ROBO1: variants seen among roughly 807,000 people sequenced by gnomAD.
The protein encoded by ROBO1 is roundabout guidance receptor 1.
ROBO1 carries 149 observed loss-of-function variants against 195.9 expected under a neutral mutation model. That is an observed-to-expected ratio of 0.76 (90% CI 0.67 to 0.87). ROBO1 has a LOEUF of 0.87. Ranked by LOEUF, ROBO1 falls within the 40% of genes least tolerant of loss-of-function variation. The pLI is 0.00. For missense variants in ROBO1, 1,933 were observed against 2,068.3 expected (o/e 0.93, Z 1.27); for synonymous variants, 816 against 733.2 (o/e 1.11, Z -1.82).
At chr3:79,449,423 T>C (rs1167759718) in intron 2 of ROBO1, among the ~76,000 whole-genome samples, 1 of 151,972 alleles carries the variant, frequency 6.6e-6, no homozygotes, top group African/African-American at 2.4e-5. Flanking sequence ...AAAAATTAAA[T>C]TTACTAAATG....
At chr3:79,572,961 T>C (rs549836795) in intron 2 of ROBO1, among the ~76,000 whole-genome samples, 1 of 152,242 alleles carries the variant, frequency 6.6e-6, no homozygotes, top group East Asian at 1.9e-4. Flanking sequence ...TGGATTAGCA[T>C]AGTGTGGGAA....
At chr3:79,554,584 T>A (rs1304581682) in intron 2 of ROBO1, among the ~76,000 whole-genome samples, 3 of 151,998 alleles carry the variant, frequency 2.0e-5, no homozygotes, top group Non-Finnish European at 2.9e-5. Context: ...ATCATATGTA[T>A]CCAAAACTTG....
intron 2 of ROBO1, among the ~76,000 whole-genome samples, chr3:79,384,477 T>G (rs1393055055): frequency 1.3e-5 from 2 of 151,940 alleles, no homozygotes; most frequent in African/African-American, 4.8e-5. Flanking sequence ...AGAATAACTA[T>G]ATAAGAATTG....
chr3:79,437,252 A>T (rs990528699), intron 2 of ROBO1, among the ~76,000 whole-genome samples: 1 of 152,016 alleles, frequency 6.6e-6, no homozygotes, highest in South Asian at 2.1e-4. Flanking sequence ...CTGGTAAATC[A>T]GGGGTCAATG....
At chr3:79,018,991 G>C in intron 3 of ROBO1, 1 of 990,358 alleles carries the variant, frequency 1.0e-6, no homozygotes, top group Middle Eastern at 5.2e-4. Context: ...CAGCAGCTCC[G>C]GAGGAAGGGC....
At chr3:79,498,191 A>G (rs1268043461) in intron 2 of ROBO1, among the ~76,000 whole-genome samples, 1 of 152,176 alleles carries the variant, frequency 6.6e-6, no homozygotes, top group Non-Finnish European at 1.5e-5. Flanking sequence ...TCATCTTTTG[A>G]TTTGCTTTTC....
chr3:79,225,095 ATG>A (rs1461997285), intron 2 of ROBO1, among the ~76,000 whole-genome samples: 1 of 152,134 alleles, frequency 6.6e-6, no homozygotes, highest in Non-Finnish European at 1.5e-5. Context: ...AAGGAATAGC[ATG>A]TGTTTTATGG....
intron 3 of ROBO1, among the ~76,000 whole-genome samples, chr3:78,983,697 TAGAC>T (rs2077046123): frequency 6.6e-6 from 1 of 152,192 alleles, no homozygotes; most frequent in Non-Finnish European, 1.5e-5. Flanking sequence ...CATAAAGGGA[TAGAC>T]AGGTCTGATT....
intron 2 of ROBO1, among the ~76,000 whole-genome samples, chr3:79,281,449 TAGG>T (rs1448221263): frequency 3.9e-5 from 6 of 152,062 alleles, no homozygotes; most frequent in Admixed American, 3.3e-4. Flanking sequence ...TTTTTCAAAT[TAGG>T]AGAAATTTAT....
Position 78,625,838 on chromosome 3 carries a change from G to A in ROBO1, c.3875+1483C>T, listed in dbSNP as rs112669758. On this transcript the variant is annotated intron_variant, in intron 26 of 30. Transcript: ENST00000464233. ...ATGCAGTGGGCTGAGGTGCGAATGCGAATCAGGAAGGCAGAAGGAGTTCAA... is the reference window on the plus strand; with the variant it reads ...ATGCAGTGGGCTGAGGTGCGAATGCAAATCAGGAAGGCAGAAGGAGTTCAA... 2.4e-4 allele frequency among the ~76,000 whole-genome samples: 37 copies of A among 151,988 alleles called. 1 individual carries two copies. Among genetic ancestry groups the A allele is most frequent in the Non-Finnish European group, 3.5e-4 (24 of 68,028 alleles).
At chr3:79,669,598 A>G (rs1184598307) in intron 1 of ROBO1, among the ~76,000 whole-genome samples, 2 of 151,926 alleles carry the variant, frequency 1.3e-5, no homozygotes, top group African/African-American at 2.4e-5. Flanking sequence ...AGACTTTACT[A>G]TCTACGTTTG....
At chr3:78,924,844 A>C (rs2039123780) in intron 4 of ROBO1, among the ~76,000 whole-genome samples, 1 of 152,142 alleles carries the variant, frequency 6.6e-6, no homozygotes, top group Admixed American at 6.5e-5. Context: ...ATAATTAAAT[A>C]TTTAGAGTCT....
chr3:79,718,911 C>T (rs1249047704), intron 1 of ROBO1, among the ~76,000 whole-genome samples: 6 of 152,016 alleles, frequency 3.9e-5, no homozygotes, highest in Non-Finnish European at 2.9e-5. Flanking sequence ...CCTGGATATA[C>T]ATTAGTTTTG....
chr3:78,802,927 C>A (rs1258615784), intron 4 of ROBO1, among the ~76,000 whole-genome samples: 11 of 152,146 alleles, frequency 7.2e-5, no homozygotes, highest in African/African-American at 2.4e-4. Flanking sequence ...GATGACTTGA[C>A]CAAAGAGACA....
At chr3:79,495,352 CAA>C (rs1429810588) in intron 2 of ROBO1, among the ~76,000 whole-genome samples, 1 of 151,840 alleles carries the variant, frequency 6.6e-6, no homozygotes, top group Non-Finnish European at 1.5e-5. Context: ...AAATAATAGA[CAA>C]GAGTCACAAG....
chr3:78,876,111 T>C (rs886225139), intron 4 of ROBO1, among the ~76,000 whole-genome samples: 7 of 152,076 alleles, frequency 4.6e-5, no homozygotes, highest in African/African-American at 1.7e-4. Context: ...AGTTATGTAG[T>C]CAAGAAAAAA....
chr3:79,244,651 C>T (rs1427916165), intron 2 of ROBO1, among the ~76,000 whole-genome samples: 1 of 152,040 alleles, frequency 6.6e-6, no homozygotes, highest in African/African-American at 2.4e-5. Flanking sequence ...AGATAGGAGA[C>T]AGGCATGTTT....
At chr3:78,804,022 G>C (rs544334040) in intron 4 of ROBO1, among the ~76,000 whole-genome samples, 1 of 152,232 alleles carries the variant, frequency 6.6e-6, no homozygotes, top group Non-Finnish European at 1.5e-5. Context: ...ATAGAGTGTG[G>C]TGTCTTTAAG....
intron 2 of ROBO1, among the ~76,000 whole-genome samples, chr3:79,320,234 A>G (rs74389590): frequency 0.029 from 4,365 of 152,216 alleles, 182 homozygotes; most frequent in African/African-American, 0.093. Flanking sequence ...ACGGTGGAGT[A>G]TGGGCTACAG....
Sources: gnomAD v4.1 joint callset for allele counts (sites outside exome capture counted in the v4.1 genomes callset) on GRCh38, gnomAD v4.1.1 for gene constraint, MANE v1.5 for transcripts, NCBI Gene and HGNC (gene_info 2026-07-23, HGNC 2026-07-21) for gene names.